The following THBS1 variants were observed in gnomAD, a reference collection of about 807,000 sequenced individuals.
The protein encoded by THBS1 is thrombospondin-1.
THBS1 carries 29 observed loss-of-function variants against 126.1 expected under a neutral mutation model. The observed-to-expected ratio is 0.23, with a 90% CI of 0.17 to 0.31. The LOEUF (loss-of-function observed/expected upper bound fraction) is 0.31. Ranked by LOEUF, THBS1 falls within the 10% of genes least tolerant of loss-of-function variation. The probability of loss-of-function intolerance (pLI) is 1.00; values close to 1 mark genes in which losing one functional copy is unlikely to be tolerated. For synonymous variants in THBS1, 496 were observed against 577.8 expected, an observed-to-expected ratio of 0.86 and a Z score of 2.03; for missense variants, 1,198 against 1,545.2, an observed-to-expected ratio of 0.78 and a Z score of 3.77.
intron 6 of THBS1, among the ~76,000 whole-genome samples, chr15:39,584,860 T>C (rs1230871905): frequency 2.0e-5 from 3 of 152,222 alleles, no homozygotes; most frequent in Admixed American, 2.0e-4. Flanking sequence ...TCTGCTTTGC[T>C]CAGATGGCAC....
Position 39,589,269 on chromosome 15 carries a change from G to C in THBS1, c.1841G>C (p.Gly614Ala), listed in dbSNP as rs1220495221. The change falls in exon 12 of 22, where the codon GGC (glycine) becomes GCC (alanine). Residue 614 changes from glycine (G) to alanine (A), a missense_variant. Physicochemically the swap from Gly to Ala is moderately conservative, Grantham distance 60. Transcript: ENST00000260356. The surrounding 1 kb of genome is among the most constrained non-coding windows in gnomAD (Gnocchi z 4.7). ...GEHRCENTDP[G>A]YNCLPCPPRF... ...CACCGGTGTGAGAACACGGACCCCG[G>C]CTACAACTGCCTGCCCTGCCCCCCA... The C allele has an allele frequency of 6.2e-7, 1 of 1,614,002 alleles. No individual in the cohort carries two copies. Among genetic ancestry groups the C allele is most frequent in the Non-Finnish European group, 8.5e-7 (1 of 1,180,026 alleles).
rs765911884 is a variant in THBS1, at chr15:39,595,691, C to G, written c.*322C>G. The G allele has an allele frequency of 3.7e-5, 20 of 541,456 alleles. No homozygotes were observed. The highest frequency in any genetic ancestry group is 3.1e-4 in the South Asian group (20 of 65,342). The allele number at this position is 541,456 out of a possible 1,614,324, so 33.5% of individuals were successfully genotyped here. A position where few individuals can be genotyped will look rare whatever the true frequency, so the allele number is the denominator to read the frequency against. On this transcript the variant is annotated 3_prime_UTR_variant, in exon 22 of 22. Transcript: ENST00000260356. ...TCTGCCTTTGTCACAGAGCAGGGTG[C>G]TATTGTGAGGCCATCTCTGAGCAGT...
At chr15:39,590,250 CA>C (rs938035555) in intron 13 of THBS1, among the ~76,000 whole-genome samples, 1 of 151,606 alleles carries the variant, frequency 6.6e-6, no homozygotes, top group Non-Finnish European at 1.5e-5. Flanking sequence ...CTCTTCTGTC[CA>C]AAAAAAAGTT....
At chr15:39,586,917 A>C (rs1890218801) in intron 7 of THBS1, 1 of 156,604 alleles carries the variant, frequency 6.4e-6, no homozygotes, top group African/African-American at 2.4e-5. Context: ...GACCTGGGAT[A>C]AACCCCTGGG....
chr15:39,583,576 C>CCGCG, intron 3 of THBS1, 41 bp from the exon 4 acceptor site: 4 of 1,523,802 alleles, frequency 2.6e-6, no homozygotes, highest in South Asian at 1.1e-5. Context: ...ATCCCCACCC[C>CCGCG]GCTCTGCATT....
intron 6 of THBS1, among the ~76,000 whole-genome samples, chr15:39,584,751 T>TC (rs397729462): frequency 6.6e-6 from 1 of 151,922 alleles, no homozygotes; most frequent in African/African-American, 2.4e-5. Context: ...CATTTTTTTT[T>TC]CCCAACCCTG....
In THBS1 at chr15:39,589,266, C is replaced by G. The variant is rs1214402288; in HGVS notation, c.1838C>G (p.Pro613Arg). Residue 613 changes from proline (P) to arginine (R), a missense_variant, in exon 12 of 22, where the codon CCC becomes CGC. Around this residue, in one of 4 missense-constraint regions of THBS1, gnomAD observed 663 missense variants for 860.1 expected, o/e 0.77. Transcript: ENST00000260356. The surrounding 1 kb of genome is among the most constrained non-coding windows in gnomAD (Gnocchi z 4.7). ...NGEHRCENTD[P>R]GYNCLPCPPR... is the part of the protein sequence containing the mutation. ...GAGCACCGGTGTGAGAACACGGACC[C>G]CGGCTACAACTGCCTGCCCTGCCCC... 1.2e-6 allele frequency: 2 copies of G among 1,614,028 alleles called. No individual in the cohort carries two copies. The highest frequency in any genetic ancestry group is 2.7e-5 in the African/African-American group (2 of 74,896).
chr15:39,581,272 A>T (rs946773433), intron 1 of THBS1, 44 bp downstream of exon 1: 1 of 152,860 alleles, frequency 6.5e-6, no homozygotes, highest in African/African-American at 2.4e-5. Context: ...GCTGCCCGGG[A>T]CATCCACCTG....
At chr15:39,585,668 T>G in intron 7 of THBS1, 105 bp downstream of exon 7, 2 of 1,075,498 alleles carry the variant, frequency 1.9e-6, no homozygotes, top group Non-Finnish European at 2.7e-6. Flanking sequence ...ATCTCCATCA[T>G]GCTTCCATTC....
At chr15:39,585,627 C>A in intron 7 of THBS1, 64 bp downstream of exon 7, 1 of 1,467,554 alleles carries the variant, frequency 6.8e-7, no homozygotes, top group Non-Finnish European at 9.4e-7. Context: ...ACATCCTAGA[C>A]AGCCGAGCAC....
At position 39,589,732 on chromosome 15, in the gene THBS1, T is replaced by C. The variant is rs1216108712; in HGVS notation, c.1927-73T>C. 6.9e-7 allele frequency: 1 copy of C among 1,446,902 alleles called. No homozygotes were observed. Among genetic ancestry groups the C allele is most frequent in the African/African-American group, 1.4e-5 (1 of 70,422 alleles). 89.6% of individuals were successfully genotyped at this position (1,446,902 alleles called of 1,614,324 possible). ...TCTGTCTACTCAGAGATGACAGGGATCTGGATTCTTGTTTCCATGATATCT... is the reference window on the plus strand; with the variant it reads ...TCTGTCTACTCAGAGATGACAGGGACCTGGATTCTTGTTTCCATGATATCT... On this transcript the variant is annotated intron_variant, in intron 12 of 21. Coordinates refer to ENST00000260356, the MANE Select transcript of THBS1 (RefSeq NM_003246.4). The surrounding 1 kb of genome is among the most constrained non-coding windows in gnomAD (Gnocchi z 4.7).
chr15:39,583,915 T>C (rs1383336154), intron 4 of THBS1, 73 bp from the exon 5 acceptor site: 1 of 1,562,292 alleles, frequency 6.4e-7, no homozygotes, highest in Non-Finnish European at 8.7e-7. Flanking sequence ...ATGAAACGTC[T>C]TCTACCACTA....
At chr15:39,583,960 T>TG in intron 4 of THBS1, 28 bp from the exon 5 acceptor site, 1 of 1,613,052 alleles carries the variant, frequency 6.2e-7, no homozygotes, top group South Asian at 1.1e-5. Flanking sequence ...GAGTATCTAT[T>TG]TGAAGTTTTC....
Position 39,589,791 on chromosome 15 carries a change from T to C in THBS1, c.1927-14T>C, listed in dbSNP as rs1324156121. On this transcript the variant is annotated splice_polypyrimidine_tract_variant and intron_variant, in intron 12 of 21. Transcript: ENST00000260356. This position sits in a 1 kb window ranked among gnomAD's most constrained non-coding sequence, Gnocchi z 4.7. ...TCAAAAGCTCTGTGTAACAGCAGCA[T>C]GGTGTACCCTCAGGTGTGCAAGCCC... The C allele has an allele frequency of 1.3e-6, 2 of 1,585,754 alleles. No individual in the cohort carries two copies. Among genetic ancestry groups the C allele is most frequent in the Non-Finnish European group, 8.6e-7 (1 of 1,165,750 alleles).
chr15:39,582,429 G>C lies in THBS1; in HGVS notation c.304G>C (p.Gly102Arg). The C allele has an allele frequency of 1.2e-6, 2 of 1,614,148 alleles. No individual in the cohort carries two copies. Among genetic ancestry groups the C allele is most frequent in the Non-Finnish European group, 1.7e-6 (2 of 1,180,006 alleles). Residue 102 changes from glycine to arginine, a missense_variant, in exon 3 of 22, where the codon GGC (glycine) becomes CGC (arginine). Gly to Arg is a moderately radical substitution (Grantham distance 125, BLOSUM62 -2). This residue lies in a region of THBS1 where 271 missense variants were observed against 277.0 expected (regional missense o/e 0.98). Transcript: ENST00000260356. ...CCTGAGGCAGATGAAGAAGACCCGG[G>C]GCACGCTGCTGGCCCTGGAGCGGAA... The part of the protein sequence containing the change: ...ASLRQMKKTR[G>R]TLLALERKDH...
chr15:39,590,618 G>A lies in THBS1; in HGVS notation c.2248G>A (p.Asp750Asn). ...CGATGACAATGATAAAATTCCAGAT[G>A]ACAGGGTAAAAACAGTTTTCTATCC... Reference protein sequence around the residue: ...DDDDNDKIPDDRDNCPFHYNP... With the variant: ...DDDDNDKIPDNRDNCPFHYNP... The change falls in exon 14 of 22, where the codon GAC (aspartate) becomes AAC (asparagine). Residue 750 changes from aspartate (D) to asparagine (N), a missense_variant. Physicochemically the swap from Asp to Asn is conservative, Grantham distance 23. This residue lies in a region of THBS1 where 663 missense variants were observed against 860.1 expected (regional missense o/e 0.77). Coordinates refer to ENST00000260356, the MANE Select transcript of THBS1 (RefSeq NM_003246.4). The A allele has an allele frequency of 6.2e-7, 1 of 1,613,356 alleles. No homozygotes were observed. The highest frequency in any genetic ancestry group is 1.1e-5 in the South Asian group (1 of 90,912).
At chr15:39,585,382 T>C (rs1890190586) in intron 6 of THBS1, 88 bp from the exon 7 acceptor site, 1 of 1,198,594 alleles carries the variant, frequency 8.3e-7, no homozygotes, top group Admixed American at 1.7e-5. Flanking sequence ...GACCATGTTT[T>C]GGCTTGTAAA....
rs1159925172 is a variant in THBS1, at chr15:39,597,259, GTTTTTTCTTTTTTTTGTTTTGTTTTTT to G, written c.*1897_*1923del. On this transcript the variant is annotated 3_prime_UTR_variant, in exon 22 of 22. Coordinates refer to ENST00000260356, the MANE Select transcript of THBS1 (RefSeq NM_003246.4). Reference sequence around the variant, plus strand: ...TGCACACTGAATTGAAGAATTGTTGGTTTTTTCTTTTTTTTGTTTTGTTTTTTTTTTTTTTTTTTTTTGCTTTTGACC... The same window carrying G: ...TGCACACTGAATTGAAGAATTGTTGGTTTTTTTTTTTTTTTGCTTTTGACC... 1.3e-5 allele frequency: 1 copy of G among 75,378 alleles called. No homozygotes were observed. Among genetic ancestry groups the G allele is most frequent in the African/African-American group, 5.0e-5 (1 of 20,008 alleles). The allele number at this position is 75,378 out of a possible 1,614,324, so 4.7% of individuals were successfully genotyped here.
intron 8 of THBS1, 76 bp downstream of exon 8, chr15:39,587,596 A>G (rs770525463): frequency 3.9e-5 from 56 of 1,429,866 alleles, no homozygotes; most frequent in Non-Finnish European, 5.3e-5. Context: ...GCTCCACAGC[A>G]TGTATATTAA....
Sources: allele counts gnomAD v4.1 joint callset (sites outside exome capture counted in the v4.1 genomes callset), GRCh38; gene constraint gnomAD v4.1.1; regional missense constraint gnomAD v4.1.1; non-coding constraint Gnocchi (gnomAD v3.1); transcripts MANE v1.5; gene names NCBI Gene and HGNC (gene_info 2026-07-23, HGNC 2026-07-21).